TNNT2: variants seen among roughly 807,000 people sequenced by gnomAD.
TNNT2 encodes the protein troponin T, cardiac muscle.
Under a neutral mutation model 62.4 loss-of-function variants are expected in TNNT2, and 34 were observed. The ratio of observed to expected loss-of-function variants is 0.54; its 90% CI spans 0.41 to 0.72. The LOEUF is 0.72. Among genes scored for constraint, TNNT2 ranks in the 30% least tolerant of loss-of-function variants. TNNT2 has a pLI of 0.00. For synonymous variants in TNNT2, 123 were observed against 127.2 expected (o/e 0.97, Z 0.22); for missense variants, 275 against 381.9 (o/e 0.72, Z 2.33).
intron 15 of TNNT2, among the ~76,000 whole-genome samples, chr1:201,359,938 G>T (rs550445876): frequency 6.6e-6 from 1 of 152,302 alleles, no homozygotes; most frequent in South Asian, 2.1e-4. Flanking sequence ...CCCATAAGAA[G>T]GGCCTCTGAG....
chr1:201,364,502 G>A, intron 10 of TNNT2, 127 bp from the exon 11 acceptor site: 1 of 1,015,336 alleles, frequency 9.8e-7, no homozygotes, highest in Non-Finnish European at 1.5e-6. Context: ...TTGAAGCAAT[G>A]GTGCCCGGCC....
intron 12 of TNNT2, 49 bp from the exon 13 acceptor site, chr1:201,362,443 G>T: frequency 6.2e-7 from 1 of 1,601,816 alleles, no homozygotes; most frequent in Non-Finnish European, 8.5e-7. Context: ...AGACCAAGAC[G>T]GCAACAGAGA....
chr1:201,366,042 G>C (rs1220246979), intron 8 of TNNT2: 1 of 1,166,602 alleles, frequency 8.6e-7, no homozygotes, highest in Non-Finnish European at 1.1e-6. Flanking sequence ...ATCCCCTGGT[G>C]GACCCCGCAG....
intron 16 of TNNT2, 72 bp from the exon 17 acceptor site, chr1:201,359,327 G>A: frequency 1.3e-6 from 2 of 1,563,276 alleles, no homozygotes; most frequent in Non-Finnish European, 1.7e-6. Context: ...GCTGGGGTAG[G>A]ACTGGGGTGC....
intron 8 of TNNT2, 45 bp from the exon 9 acceptor site, chr1:201,365,715 A>G (rs758099206): frequency 6.2e-7 from 1 of 1,606,676 alleles, no homozygotes; most frequent in Admixed American, 1.7e-5. Flanking sequence ...TTCTGGACCC[A>G]GGGACTGAGG....
chr1:201,373,719 G>A (rs1345585303), intron 1 of TNNT2: 1 of 235,814 alleles, frequency 4.2e-6, no homozygotes, highest in Non-Finnish European at 8.4e-6. Flanking sequence ...GACTATAGTT[G>A]TGCACCACCA....
At chr1:201,375,465 GT>G (rs1661256557) in intron 1 of TNNT2, 1 of 152,234 alleles carries the variant, frequency 6.6e-6, no homozygotes, top group African/African-American at 2.4e-5. Context: ...AACCCCCAGG[GT>G]GGGGTGAGTG....
chr1:201,373,923 C>G (rs1199826618), intron 1 of TNNT2: 1 of 159,226 alleles, frequency 6.3e-6, no homozygotes, highest in African/African-American at 2.4e-5. Flanking sequence ...TTGGGCACCC[C>G]AAGAGACTGG....
At chr1:201,361,859 C>T (rs1658704810) in intron 14 of TNNT2, 54 bp downstream of exon 14, 1 of 1,536,430 alleles carries the variant, frequency 6.5e-7, no homozygotes, top group Non-Finnish European at 9.0e-7. Context: ...TTGGCCCGAC[C>T]CCTCCCAGAG....
At chr1:201,373,139 G>A in intron 2 of TNNT2, 75 bp downstream of exon 2, 1 of 1,446,764 alleles carries the variant, frequency 6.9e-7, no homozygotes, top group Non-Finnish European at 9.7e-7. Context: ...AGGGACAGCT[G>A]GGAGGCTCCT....
Position 201,359,660 on chromosome 1 carries a change from T to G in TNNT2, c.814A>C (p.Asn272His). The change falls in exon 16 of 17, where the codon AAT becomes CAT. Residue 272 changes from asparagine (N) to histidine (H), a missense_variant. Asn to His is a moderately conservative substitution (Grantham distance 68, BLOSUM62 1). Coordinates refer to ENST00000656932, the MANE Select transcript of TNNT2 (RefSeq NM_001276345.2). ...EKFKQQKYEI[N>H]VLRNRINDNQ... Reference sequence around the variant, plus strand: ...TCGTTGATCCTGTTTCGGAGAACATTGATCTGCAAGAAAAGTGGGAAGGAC... The same window carrying G: ...TCGTTGATCCTGTTTCGGAGAACATGGATCTGCAAGAAAAGTGGGAAGGAC... 6.3e-7 allele frequency: 1 copy of G among 1,591,336 alleles called. No homozygotes were observed. Among genetic ancestry groups the G allele is most frequent in the South Asian group, 1.1e-5 (1 of 87,772 alleles).
At chr1:201,368,927 T>C (rs1318452972) in intron 5 of TNNT2, among the ~76,000 whole-genome samples, 2 of 152,204 alleles carry the variant, frequency 1.3e-5, no homozygotes, top group Non-Finnish European at 2.9e-5. Context: ...TTGGCCTTCA[T>C]TCCCTCTGTC....
intron 5 of TNNT2, among the ~76,000 whole-genome samples, chr1:201,368,620 G>A (rs919519093): frequency 1.3e-5 from 2 of 152,280 alleles, no homozygotes; most frequent in Admixed American, 6.5e-5. Context: ...AAAAGAGTAC[G>A]ACTGTGTGGC....
intron 8 of TNNT2, chr1:201,366,371 CA>C (rs1046478718): frequency 6.4e-5 from 66 of 1,034,586 alleles, no homozygotes; most frequent in Non-Finnish European, 7.3e-5. Flanking sequence ...CAGCCCCCCC[CA>C]GCACACACCA....
At chr1:201,367,509 C>G in intron 7 of TNNT2, 2 of 592,924 alleles carry the variant, frequency 3.4e-6, no homozygotes, top group Non-Finnish European at 6.0e-6. Context: ...TTCTGGGTCC[C>G]ATTGCTCTGT....
chr1:201,361,358 T>C lies in TNNT2; in HGVS notation c.731A>G (p.Lys244Arg). 1.9e-6 allele frequency: 3 copies of C among 1,614,144 alleles called. No homozygotes were observed. Among genetic ancestry groups the C allele is most frequent in the African/African-American group, 1.3e-5 (1 of 75,048 alleles). ...GTTATAGATGCTCTGCCACAGCTCC[T>C]TGGCCTTCTCCCTGCACGGGCAAGG... ...LNEDQLREKA[K>R]ELWQSIYNLE... Residue 244 changes from lysine to arginine, a missense_variant, in exon 15 of 17, where the codon AAG becomes AGG. Coordinates refer to ENST00000656932, the MANE Select transcript of TNNT2 (RefSeq NM_001276345.2).
At chr1:201,371,278 A>G (rs906930964) in intron 4 of TNNT2, among the ~76,000 whole-genome samples, 2 of 152,212 alleles carry the variant, frequency 1.3e-5, no homozygotes, top group Non-Finnish European at 2.9e-5. Flanking sequence ...GCTCTCAGGA[A>G]GAAGGGAAGG....
intron 4 of TNNT2, among the ~76,000 whole-genome samples, chr1:201,371,707 C>T (rs1397636879): frequency 2.0e-5 from 3 of 151,690 alleles, no homozygotes; most frequent in Non-Finnish European, 2.9e-5. Flanking sequence ...CAGGGGGGGC[C>T]ATTATTATTA....
chr1:201,362,304 C>G lies in TNNT2; in HGVS notation c.609+82G>C, dbSNP rs1281617534. 7 of 1,580,954 alleles carry G rather than the reference C, an allele frequency of 4.4e-6. No individual in the cohort carries two copies. In the African/African-American group the frequency reaches 9.4e-5, roughly 21 times the overall value. ...AGCCAGCCCAATCTCTTCACTCCTC[C>G]CCTCCAGCAAGGCGCCTTCCCCTCC... On this transcript the variant is annotated intron_variant, in intron 13 of 16. Transcript: ENST00000656932.
Sources: allele counts gnomAD v4.1 joint callset (sites outside exome capture counted in the v4.1 genomes callset), GRCh38; gene constraint gnomAD v4.1.1; transcripts MANE v1.5; gene names NCBI Gene and HGNC (gene_info 2026-07-23, HGNC 2026-07-21).